PRIM2: variants seen among roughly 807,000 people sequenced by gnomAD.
PRIM2 encodes the protein DNA primase large subunit.
Under a neutral mutation model 67.3 loss-of-function variants are expected in PRIM2, and 39 were observed. The ratio of observed to expected loss-of-function variants is 0.58; its 90% confidence interval spans 0.45 to 0.76. The LOEUF is 0.76. Among genes scored for constraint, PRIM2 ranks in the 30% least tolerant of loss-of-function variants. PRIM2 has a pLI of 0.00. For synonymous variants in PRIM2, 143 were observed against 198.7 expected, an observed-to-expected ratio of 0.72 and a Z score of 2.36; for missense variants, 398 against 598.7, an observed-to-expected ratio of 0.66 and a Z score of 3.50.
chr6:57,630,318 T>C (rs1777019599), intron 12 of PRIM2, among the ~76,000 whole-genome samples: 1 of 152,146 alleles, frequency 6.6e-6, no homozygotes. Context: ...AAATTATTTT[T>C]GTTAAGGAAG....
At chr6:57,299,420 T>C in the PRIM2 span, among the ~76,000 whole-genome samples, 3 of 152,134 alleles carry the variant, frequency 2.0e-5, no homozygotes, top group African/African-American at 7.2e-5. Flanking sequence ...ATACCCATGG[T>C]TCTTTCTTTT....
At chr6:57,236,617 C>A in the PRIM2 span, among the ~76,000 whole-genome samples, 2 of 151,990 alleles carry the variant, frequency 1.3e-5, no homozygotes, top group Non-Finnish European at 2.9e-5. Context: ...TTCCTGTGTC[C>A]AGGTGTTCTC....
chr6:57,330,348 GT>G (rs1238317111), intron 5 of PRIM2, among the ~76,000 whole-genome samples: 6 of 87,802 alleles, frequency 6.8e-5, no homozygotes, highest in South Asian at 4.2e-4. Context: ...TGCTGAACTT[GT>G]TTTTTTTTTT....
intron 5 of PRIM2, among the ~76,000 whole-genome samples, chr6:57,341,924 G>T (rs1234448955): frequency 6.6e-6 from 1 of 152,216 alleles, no homozygotes; most frequent in Non-Finnish European, 1.5e-5. Context: ...TAAAGTGCTT[G>T]TGTGCTGTGT....
At chr6:57,470,064 T>G (rs1315390562) in intron 7 of PRIM2, among the ~76,000 whole-genome samples, 1 of 152,146 alleles carries the variant, frequency 6.6e-6, no homozygotes, top group Non-Finnish European at 1.5e-5. Flanking sequence ...TTAACTTAAG[T>G]TCACCTTAAG....
At chr6:57,417,495 T>A (rs1771304958) in intron 7 of PRIM2, among the ~76,000 whole-genome samples, 2 of 152,180 alleles carry the variant, frequency 1.3e-5, no homozygotes, top group Non-Finnish European at 2.9e-5. Context: ...AAGGCCATTG[T>A]GAGTTACTAA....
intron 10 of PRIM2, among the ~76,000 whole-genome samples, chr6:57,562,094 T>A (rs1398156153): frequency 6.6e-6 from 1 of 152,126 alleles, no homozygotes; most frequent in Admixed American, 6.6e-5. Context: ...TTTGCTGTCT[T>A]AGGTGGGTGT....
At chr6:57,474,368 G>T (rs1456861292) in intron 7 of PRIM2, among the ~76,000 whole-genome samples, 4 of 151,622 alleles carry the variant, frequency 2.6e-5, no homozygotes, top group African/African-American at 7.3e-5. Flanking sequence ...TAGAGACAGG[G>T]TTTCACCTTG....
chr6:57,336,185 G>A (rs1422221716), intron 5 of PRIM2, among the ~76,000 whole-genome samples: 5 of 152,152 alleles, frequency 3.3e-5, no homozygotes, highest in Non-Finnish European at 7.4e-5. Flanking sequence ...AATGAGCAAA[G>A]CCTCCAAGAA....
At chr6:57,628,821 T>C (rs1354549834) in intron 12 of PRIM2, among the ~76,000 whole-genome samples, 1 of 152,230 alleles carries the variant, frequency 6.6e-6, no homozygotes, top group African/African-American at 2.4e-5. Context: ...CATGATTTTG[T>C]TCTTTTTTTG....
the PRIM2 span, among the ~76,000 whole-genome samples, chr6:57,261,764 C>T: frequency 6.6e-6 from 1 of 152,156 alleles, no homozygotes; most frequent in Non-Finnish European, 1.5e-5. Flanking sequence ...CATTCCCTCC[C>T]TGCTTTGGAG....
intron 10 of PRIM2, among the ~76,000 whole-genome samples, chr6:57,552,492 G>C (rs1775424396): frequency 6.6e-6 from 1 of 152,008 alleles, no homozygotes; most frequent in Admixed American, 6.6e-5. Flanking sequence ...TTAGAGAGGG[G>C]AAAAGGATTT....
At chr6:57,552,455 C>T (rs1333333025) in intron 10 of PRIM2, among the ~76,000 whole-genome samples, 8 of 151,874 alleles carry the variant, frequency 5.3e-5, no homozygotes, top group Non-Finnish European at 8.8e-5. Context: ...TGCCTAGGCT[C>T]AAGGATCTTG....
chr6:57,290,304 A>G, the PRIM2 span, among the ~76,000 whole-genome samples: 1 of 152,208 alleles, frequency 6.6e-6, no homozygotes, highest in Non-Finnish European at 1.5e-5. Flanking sequence ...AGAAGAGCTA[A>G]CTATCCTAAA....
the PRIM2 span, among the ~76,000 whole-genome samples, chr6:57,261,525 G>C: frequency 1.3e-5 from 2 of 152,202 alleles, no homozygotes; most frequent in Non-Finnish European, 2.9e-5. Context: ...GGGTAGAGCG[G>C]GGACAGGGGA....
chr6:57,612,319 C>G (rs2127494559), intron 12 of PRIM2, among the ~76,000 whole-genome samples: 1 of 152,072 alleles, frequency 6.6e-6, no homozygotes, highest in East Asian at 1.9e-4. Flanking sequence ...TGATAATTGC[C>G]AAAAACTAGA....
chr6:57,597,792 C>G (rs1202379489), intron 10 of PRIM2, among the ~76,000 whole-genome samples: 1 of 152,130 alleles, frequency 6.6e-6, no homozygotes, highest in Non-Finnish European at 1.5e-5. Context: ...GTCTTGCGGT[C>G]ACTTAAAAGA....
At chr6:57,524,651 A>AGATC (rs1774707019) in intron 8 of PRIM2, among the ~76,000 whole-genome samples, 1 of 152,110 alleles carries the variant, frequency 6.6e-6, no homozygotes, top group South Asian at 2.1e-4. Flanking sequence ...CGGTGAGCCG[A>AGATC]GATCGTACCA....
intron 7 of PRIM2, among the ~76,000 whole-genome samples, chr6:57,391,130 A>C (rs2127347303): frequency 1.4e-5 from 1 of 73,658 alleles, no homozygotes; most frequent in East Asian, 2.8e-4. Context: ...CATTTCTCTA[A>C]TGATCAATTG....
Sources: gnomAD v4.1 joint callset for allele counts (sites outside exome capture counted in the v4.1 genomes callset) on GRCh38, gnomAD v4.1.1 for gene constraint, MANE v1.5 for transcripts, NCBI Gene and HGNC (gene_info 2026-07-23, HGNC 2026-07-21) for gene names.